The following VEGFA variants were observed in gnomAD, a reference collection of about 807,000 sequenced individuals.
VEGFA encodes vascular endothelial growth factor A, long form.
VEGFA carries 20 observed loss-of-function variants against 49.7 expected under a neutral mutation model. The observed-to-expected ratio is 0.40, with a 90% CI of 0.28 to 0.58. The LOEUF is 0.58. Among genes scored for constraint, VEGFA ranks in the 20% least tolerant of loss-of-function variants. The probability of loss-of-function intolerance (pLI) is 0.40; values close to 1 mark genes in which losing one functional copy is unlikely to be tolerated. For missense variants in VEGFA, 505 were observed against 553.5 expected (o/e 0.91, Z 0.88); for synonymous variants, 219 against 223.4 (o/e 0.98, Z 0.18).
At chr6:43,776,080 A>C (rs573049801) in intron 2 of VEGFA, 1 of 152,340 alleles carries the variant, frequency 6.6e-6, no homozygotes, top group East Asian at 1.9e-4. Flanking sequence ...GAAGTTCTAA[A>C]CTTCATATTA....
Position 43,770,929 on chromosome 6 carries a change from G to C in VEGFA, c.223G>C (p.Glu75Gln), listed in dbSNP as rs776087137. Residue 75 changes from glutamate (E) to glutamine (Q), a missense_variant, in exon 1 of 8, where the codon GAG (glutamate) becomes CAG (glutamine). Physicochemically the swap from Glu to Gln is conservative, Grantham distance 29. Coordinates refer to ENST00000672860, the MANE Select transcript of VEGFA (RefSeq NM_003376.6). ...AGCCGTGGTCCGCGCGGGGGAAGCC[G>C]AGCCGAGCGGAGCCGCGAGAAGTGC... The C allele has an allele frequency of 6.5e-7, 1 of 1,544,542 alleles. No homozygotes were observed. Among genetic ancestry groups the C allele is most frequent in the East Asian group, 2.5e-5 (1 of 40,446 alleles).
intron 1 of VEGFA, chr6:43,771,929 C>T (rs903907380): frequency 1.3e-6 from 1 of 783,612 alleles, no homozygotes; most frequent in Non-Finnish European, 1.5e-6. Context: ...GCGTCCCGCT[C>T]GGTGCCCGCC....
rs1318739968 is a variant in VEGFA, at chr6:43,772,105, GC to G, written c.606+797del. 7 of 983,058 alleles carry G rather than the reference GC, an allele frequency of 7.1e-6. No individual in the cohort carries two copies. The African/African-American group carries it at 1.2e-4, about 17-fold the overall frequency. The allele number at this position is 983,058 out of a possible 1,614,324, so 60.9% of individuals were successfully genotyped here. A position where few individuals can be genotyped will look rare whatever the true frequency, so the allele number is the denominator to read the frequency against. ...CGCGGGAAGGTGACCTCTCGAGGTA[GC>G]CCCAGCCCGGGGATCCAGAGAACCA... On this transcript the variant is annotated intron_variant, in intron 1 of 7. Coordinates refer to ENST00000672860, the MANE Select transcript of VEGFA (RefSeq NM_003376.6).
At chr6:43,781,125 G>C in intron 6 of VEGFA, 1 of 567,030 alleles carries the variant, frequency 1.8e-6, no homozygotes, top group Non-Finnish European at 3.1e-6. Context: ...TGTTGGCACA[G>C]GTGCCTGCTC....
chr6:43,782,132 G>A, intron 7 of VEGFA, 45 bp downstream of exon 7: 1 of 1,608,732 alleles, frequency 6.2e-7, no homozygotes, highest in Non-Finnish European at 8.5e-7. Flanking sequence ...GCATCACACA[G>A]AGATGGGGAG....
At position 43,771,292 on chromosome 6, in the gene VEGFA, C is replaced by T. The variant is rs755797583; in HGVS notation, c.586C>T (p.Leu196Phe). 1.2e-6 allele frequency: 2 copies of T among 1,605,972 alleles called. No individual in the cohort carries two copies. Among genetic ancestry groups the T allele is most frequent in the South Asian group, 2.2e-5 (2 of 90,582 alleles). The change falls in exon 1 of 8, where the codon CTC becomes TTC. Residue 196 changes from leucine (L) to phenylalanine (F), a missense_variant. By Grantham distance (22) the Leu-to-Phe change is conservative. Transcript: ENST00000672860. ...GGTGCATTGGAGCCTTGCCTTGCTG[C>T]TCTACCTCCACCATGCCAAGGTAAG...
chr6:43,779,447 C>A, intron 5 of VEGFA: 3 of 340,402 alleles, frequency 8.8e-6, no homozygotes, highest in South Asian at 2.8e-5. Flanking sequence ...GAATGTTGGT[C>A]ATTTTCAGAG....
chr6:43,778,449 T>A lies in VEGFA; in HGVS notation c.856-11T>A, dbSNP rs200112194. The A allele has an allele frequency of 2.4e-5, 39 of 1,613,796 alleles. No individual in the cohort carries two copies. The highest frequency in any genetic ancestry group is 3.1e-5 in the Non-Finnish European group (37 of 1,179,808). On this transcript the variant is annotated splice_polypyrimidine_tract_variant and intron_variant, in intron 3 of 7. Transcript: ENST00000672860. ...TCACTAACCTCTGTGATCTGCTTCCTTCCTTTCCAGATTATGCGGATCAAA... is the reference window on the plus strand; with the variant it reads ...TCACTAACCTCTGTGATCTGCTTCCATCCTTTCCAGATTATGCGGATCAAA...
At chr6:43,780,605 C>G in intron 5 of VEGFA, 127 bp from the exon 6 acceptor site, 1 of 1,409,346 alleles carries the variant, frequency 7.1e-7, no homozygotes, top group Non-Finnish European at 9.8e-7. Flanking sequence ...CCTCCTGACA[C>G]TTCCTCCGGG....
intron 2 of VEGFA, chr6:43,776,505 G>A (rs527870063): frequency 6.6e-6 from 1 of 152,394 alleles, no homozygotes; most frequent in African/African-American, 2.4e-5. Flanking sequence ...GCCAGCCTGG[G>A]AAACTGTCTC....
chr6:43,770,543 G>T lies in VEGFA; in HGVS notation c.-164G>T. 7.6e-7 allele frequency: 1 copy of T among 1,320,922 alleles called. No homozygotes were observed. Among genetic ancestry groups the T allele is most frequent in the Non-Finnish European group, 9.6e-7 (1 of 1,038,390 alleles). The allele number at this position is 1,320,922 out of a possible 1,614,324, so 81.8% of individuals were successfully genotyped here. A position where few individuals can be genotyped will look rare whatever the true frequency, so the allele number is the denominator to read the frequency against. ...CAGAAAGAGGAAAGAGGTAGCAAGA[G>T]CTCCAGAGAGAAGTCGAGGAAGAGA... On this transcript the variant is annotated 5_prime_UTR_variant, in exon 1 of 8. Transcript: ENST00000672860.
chr6:43,781,481 G>T, intron 6 of VEGFA: 1 of 281,604 alleles, frequency 3.6e-6, no homozygotes, highest in South Asian at 3.6e-5. Context: ...CAGCGGCCTG[G>T]CCTGGGGACA....
chr6:43,786,077 C>T lies in VEGFA; in HGVS notation c.*1515C>T, dbSNP rs1292281454. 5.5e-6 allele frequency: 1 copy of T among 181,096 alleles called. No homozygotes were observed. The highest frequency in any genetic ancestry group is 1.2e-5 in the Non-Finnish European group (1 of 85,024). 11.2% of individuals were successfully genotyped at this position (181,096 alleles called of 1,614,324 possible). A position where few individuals can be genotyped will look rare whatever the true frequency, so the allele number is the denominator to read the frequency against. ...ATCCCCTGGCTCCCCAGCACACATT[C>T]CTTTGAAATAAGGTTTCAATATACA... is the stretch of plus-strand genomic sequence containing the variant. On this transcript the variant is annotated 3_prime_UTR_variant, in exon 8 of 8. Transcript: ENST00000672860.
intron 3 of VEGFA, chr6:43,778,209 A>G (rs888009153): frequency 3.4e-6 from 2 of 580,970 alleles, no homozygotes; most frequent in African/African-American, 3.7e-5. Context: ...TTGAATTCCC[A>G]GCCTGGCCAA....
chr6:43,783,492 G>A (rs576704915), intron 7 of VEGFA: 1 of 152,334 alleles, frequency 6.6e-6, no homozygotes, highest in East Asian at 1.9e-4. Context: ...CTGGATGAGG[G>A]GAGTCTCAGT....
intron 6 of VEGFA, 106 bp from the exon 7 acceptor site, chr6:43,781,850 G>A (rs1767889767): frequency 7.5e-6 from 11 of 1,474,762 alleles, no homozygotes; most frequent in Non-Finnish European, 1.0e-5. Flanking sequence ...GACCGGCTGG[G>A]TGGGGGTGCA....
chr6:43,786,348 A>G lies in VEGFA; in HGVS notation c.*1786A>G, dbSNP rs1769446507. 5.6e-6 allele frequency: 1 copy of G among 179,008 alleles called. No individual in the cohort carries two copies. Among genetic ancestry groups the G allele is most frequent in the East Asian group, 9.3e-5 (1 of 10,778 alleles). 11.1% of individuals were successfully genotyped at this position (179,008 alleles called of 1,614,324 possible). A position where few individuals can be genotyped will look rare whatever the true frequency, so the allele number is the denominator to read the frequency against. ...TAATAATTGTGGGGAAAAGATATTA[A>G]CATCACGTCTTTGTCTCTAGTGCAG... On this transcript the variant is annotated 3_prime_UTR_variant, in exon 8 of 8. Transcript: ENST00000672860.
Position 43,771,129 on chromosome 6 carries a change from G to A in VEGFA, c.423G>A (p.Arg141=). Residue 141 remains arginine, a synonymous_variant, in exon 1 of 8, where the codon CGG becomes CGA. Transcript: ENST00000672860. ...CGCGCGCTCCCCAGGCCCTGGCCCG[G>A]GCCTCGGGCCGGGGAGGAAGAGTAG... 1 of 1,495,416 alleles carries A rather than the reference G, an allele frequency of 6.7e-7. No homozygotes were observed. Among genetic ancestry groups the A allele is most frequent in the Non-Finnish European group, 8.9e-7 (1 of 1,127,332 alleles). The allele number at this position is 1,495,416 out of a possible 1,614,324, so 92.6% of individuals were successfully genotyped here.
rs936213193 is a variant in VEGFA, at chr6:43,780,359, T to C, written c.963-373T>C. 8.2e-6 allele frequency: 3 copies of C among 366,204 alleles called. No homozygotes were observed. In the East Asian group the frequency reaches 2.1e-4, roughly 25 times the overall value. 22.7% of individuals were successfully genotyped at this position (366,204 alleles called of 1,614,324 possible). ...CAGGGTCAGACTTGGACAGGGCTGCTGGGCAAAGAGCCTTCCCTCAGGCTT... is the reference window on the plus strand; with the variant it reads ...CAGGGTCAGACTTGGACAGGGCTGCCGGGCAAAGAGCCTTCCCTCAGGCTT... On this transcript the variant is annotated intron_variant, in intron 5 of 7. Transcript: ENST00000672860.
Sources: gnomAD v4.1 joint callset for allele counts on GRCh38, gnomAD v4.1.1 for gene constraint, MANE v1.5 for transcripts, NCBI Gene and HGNC (gene_info 2026-07-23, HGNC 2026-07-21) for gene names.